NUP58: variants seen among roughly 807,000 people sequenced by gnomAD.
NUP58 encodes the protein nucleoporin p58/p45.
Under a neutral mutation model 70.1 loss-of-function variants are expected in NUP58, and 17 were observed. That is an observed-to-expected ratio of 0.24 (90% CI 0.17 to 0.36). The LOEUF (loss-of-function observed/expected upper bound fraction) is 0.36. Among genes scored for constraint, NUP58 ranks in the 10% least tolerant of loss-of-function variants. NUP58 has a pLI of 1.00. For synonymous variants in NUP58, 275 were observed against 257.6 expected (o/e 1.07, Z -0.65); for missense variants, 644 against 701.5 (o/e 0.92, Z 0.93).
chr13:25,331,826 C>T, intron 13 of NUP58: 1 of 1,250,708 alleles, frequency 8.0e-7, no homozygotes, highest in Non-Finnish European at 1.0e-6. Flanking sequence ...CCCTTTAGAA[C>T]ATGGTGTTTC....
At chr13:25,332,404 A>G (rs1024326611) in intron 13 of NUP58, 3 of 985,222 alleles carry the variant, frequency 3.0e-6, no homozygotes, top group Admixed American at 6.1e-5. Context: ...GAAGCTTGAC[A>G]TGGAAAAATA....
chr13:25,332,511 A>C (rs1285262213), intron 13 of NUP58: 3 of 981,586 alleles, frequency 3.1e-6, no homozygotes, highest in Non-Finnish European at 3.6e-6. Flanking sequence ...AGTTCCATAT[A>C]GTCCAGTAGT....
rs765609266 is a variant in NUP58, at chr13:25,313,604, C to G, written c.437-10C>G. Reference sequence around the variant, plus strand: ...TGCCTTTTGAAAGCTTACTATCTCTCTTTTTATAGCATCCACAGGATTTAC... The same window carrying G: ...TGCCTTTTGAAAGCTTACTATCTCTGTTTTTATAGCATCCACAGGATTTAC... On this transcript the variant is annotated splice_polypyrimidine_tract_variant and intron_variant, in intron 4 of 15. Transcript: ENST00000381736. The G allele has an allele frequency of 2.4e-5, 35 of 1,484,942 alleles. No homozygotes were observed. Among genetic ancestry groups the G allele is most frequent in the Non-Finnish European group, 2.9e-5 (33 of 1,126,854 alleles). The allele number at this position is 1,484,942 out of a possible 1,614,324, so 92.0% of individuals were successfully genotyped here.
At chr13:25,318,413 A>T (rs1250956085) in intron 6 of NUP58, among the ~76,000 whole-genome samples, 1 of 152,182 alleles carries the variant, frequency 6.6e-6, no homozygotes, top group African/African-American at 2.4e-5. Flanking sequence ...CAGTCTGCCC[A>T]AAATGCTTGA....
intron 9 of NUP58, among the ~76,000 whole-genome samples, chr13:25,323,717 T>A (rs79714295): frequency 1.4e-4 from 2 of 14,694 alleles, no homozygotes; most frequent in African/African-American, 1.4e-4. Context: ...AACTTGAGTT[T>A]AAATTAAAAT....
At chr13:25,334,516 T>G (rs2031716562) in intron 13 of NUP58, 1 of 985,244 alleles carries the variant, frequency 1.0e-6, no homozygotes. Context: ...TTCTTGTGGT[T>G]TTGTGATTTT....
chr13:25,344,124 G>C (rs1357777690), downstream of NUP58, among the ~76,000 whole-genome samples: 4 of 151,978 alleles, frequency 2.6e-5, no homozygotes, highest in Non-Finnish European at 5.9e-5. Context: ...ATATGTATCA[G>C]CTATTTGTAT....
At chr13:25,335,036 A>G (rs942499178) in intron 13 of NUP58, 4 of 985,196 alleles carry the variant, frequency 4.1e-6, no homozygotes, top group Non-Finnish European at 4.8e-6. Flanking sequence ...TATGGTGGCC[A>G]GAGTGTAATA....
intron 13 of NUP58, chr13:25,336,422 A>G (rs1434650648): frequency 9.2e-6 from 5 of 542,522 alleles, no homozygotes; most frequent in Non-Finnish European, 8.6e-6. Context: ...TTTTTTGGGT[A>G]CTTACTCTTA....
In NUP58 at chr13:25,340,172, C is replaced by T. The variant is rs375062520; in HGVS notation, c.*38C>T. 2.6e-5 allele frequency: 40 copies of T among 1,523,380 alleles called. No homozygotes were observed. The highest frequency in any genetic ancestry group is 2.2e-4 in the East Asian group (9 of 41,200). 94.4% of individuals were successfully genotyped at this position (1,523,380 alleles called of 1,614,324 possible). A position where few individuals can be genotyped will look rare whatever the true frequency, so the allele number is the denominator to read the frequency against. Reference sequence around the variant, plus strand: ...GTGTTGAGAGAATCCATAGCAGCACCGTTCATTCTATGAGTCTATTTTTCT... The same window carrying T: ...GTGTTGAGAGAATCCATAGCAGCACTGTTCATTCTATGAGTCTATTTTTCT... On this transcript the variant is annotated 3_prime_UTR_variant, in exon 16 of 16. Coordinates refer to ENST00000381736, the MANE Select transcript of NUP58 (RefSeq NM_014089.4).
At position 25,315,344 on chromosome 13, in the gene NUP58, G is replaced by A. The variant is rs757092401; in HGVS notation, c.575-13G>A. The A allele has an allele frequency of 1.1e-5, 17 of 1,581,942 alleles. No individual in the cohort carries two copies. The highest frequency in any genetic ancestry group is 1.4e-5 in the Non-Finnish European group (16 of 1,154,156). On this transcript the variant is annotated splice_polypyrimidine_tract_variant and intron_variant, in intron 5 of 15. Coordinates refer to ENST00000381736, the MANE Select transcript of NUP58 (RefSeq NM_014089.4). ...TCTTTTGATGGAATTTATAAGTTAT[G>A]TTTTATTTATAGGACTTGGACAGAA...
intron 3 of NUP58, chr13:25,310,024 A>G: frequency 2.5e-6 from 1 of 401,654 alleles, no homozygotes; most frequent in Non-Finnish European, 5.0e-6. Context: ...AAGCAAGTGA[A>G]TCTTCTTGTT....
chr13:25,342,737 A>G (rs1024421500), downstream of NUP58, among the ~76,000 whole-genome samples: 1 of 152,074 alleles, frequency 6.6e-6, no homozygotes, highest in African/African-American at 2.4e-5. Context: ...ACCCTTTTAA[A>G]TATGTCTTAA....
In NUP58 at chr13:25,342,030, G is replaced by A. The variant is rs1024483626; in HGVS notation, c.*1896G>A. ...GGCTTTTTTGAATTGAAATTTTTGC[G>A]CATTGATGCATTGAAATAAGGAAAA... On this transcript the variant is annotated 3_prime_UTR_variant, in exon 16 of 16. Coordinates refer to ENST00000381736, the MANE Select transcript of NUP58 (RefSeq NM_014089.4). 3 of 151,934 alleles carry A rather than the reference G, an allele frequency of 2.0e-5. No individual in the cohort carries two copies. Among genetic ancestry groups the A allele is most frequent in the Non-Finnish European group, 4.4e-5 (3 of 67,992 alleles). The allele number at this position is 151,934 out of a possible 1,614,324, so 9.4% of individuals were successfully genotyped here. A position where few individuals can be genotyped will look rare whatever the true frequency, so the allele number is the denominator to read the frequency against.
intron 6 of NUP58, among the ~76,000 whole-genome samples, chr13:25,318,204 T>C (rs1320033985): frequency 1.3e-5 from 2 of 152,028 alleles, no homozygotes; most frequent in African/African-American, 4.8e-5. Flanking sequence ...GGCAGGCACC[T>C]GTAATCCCAG....
At chr13:25,320,684 CCT>C (rs2031143164) in intron 8 of NUP58, 89 bp downstream of exon 8, 1 of 952,878 alleles carries the variant, frequency 1.0e-6, no homozygotes. Context: ...AAAATCGCAT[CCT>C]AGAGGAGCAT....
chr13:25,343,772 T>C (rs908934140), downstream of NUP58, among the ~76,000 whole-genome samples: 19 of 149,664 alleles, frequency 1.3e-4, no homozygotes, highest in Non-Finnish European at 1.2e-4. Context: ...ATCCATTCCT[T>C]TTTAGTGGCT....
At chr13:25,311,811 G>A (rs1191739568) in intron 3 of NUP58, among the ~76,000 whole-genome samples, 2 of 151,918 alleles carry the variant, frequency 1.3e-5, no homozygotes, top group African/African-American at 4.8e-5. Context: ...AGGTTTTTAA[G>A]GATGCTTGTA....
intron 3 of NUP58, among the ~76,000 whole-genome samples, chr13:25,312,161 A>G (rs1376720477): frequency 3.3e-5 from 5 of 152,102 alleles, no homozygotes. Context: ...ACAGAAAAAA[A>G]GGACTGAAAA....
Sources: gnomAD v4.1 joint callset for allele counts (sites outside exome capture counted in the v4.1 genomes callset) on GRCh38, gnomAD v4.1.1 for gene constraint, MANE v1.5 for transcripts, NCBI Gene and HGNC (gene_info 2026-07-23, HGNC 2026-07-21) for gene names.